The following PRORP variants were observed in gnomAD, a reference collection of about 807,000 sequenced individuals.
PRORP encodes the protein mitochondrial ribonuclease P catalytic subunit.
Under a neutral mutation model 59.4 loss-of-function variants are expected in PRORP, and 51 were observed. The observed-to-expected ratio is 0.86, with a 90% confidence interval of 0.69 to 1.08. The LOEUF (loss-of-function observed/expected upper bound fraction) is 1.08. Ranked by LOEUF, PRORP falls within the 50% of genes least tolerant of loss-of-function variation. The pLI is 0.00. For missense variants in PRORP, 646 were observed against 690.3 expected, an observed-to-expected ratio of 0.94 and a Z score of 0.72; for synonymous variants, 231 against 245.6, an observed-to-expected ratio of 0.94 and a Z score of 0.55.
chr14:35,199,693 G>A (rs1010890244), intron 5 of PRORP, among the ~76,000 whole-genome samples: 1 of 152,192 alleles, frequency 6.6e-6, no homozygotes, highest in Non-Finnish European at 1.5e-5. Context: ...ACAAATTTCT[G>A]TTCTTTATAA....
intron 5 of PRORP, among the ~76,000 whole-genome samples, chr14:35,225,597 T>G (rs1442435677): frequency 6.6e-6 from 1 of 152,002 alleles, no homozygotes. Flanking sequence ...TCCACCCACC[T>G]TGGCCTCCCA....
At position 35,275,768 on chromosome 14, in the gene PRORP, C is replaced by T. The variant is rs1484653215; in HGVS notation, c.*2202C>T. 4 of 146,864 alleles carry T rather than the reference C, an allele frequency of 2.7e-5. No homozygotes were observed. Among genetic ancestry groups the T allele is most frequent in the African/African-American group, 5.0e-5 (2 of 39,650 alleles). The allele number at this position is 146,864 out of a possible 1,614,324, so 9.1% of individuals were successfully genotyped here. On this transcript the variant is annotated 3_prime_UTR_variant, in exon 8 of 8. Coordinates refer to ENST00000534898, the MANE Select transcript of PRORP (RefSeq NM_014672.4). Reference sequence around the variant, plus strand: ...CTTTAGGCCCAGAGTTGGAGACCAACCTGGGCAACATAGCAAGACCCTGTC... The same window carrying T: ...CTTTAGGCCCAGAGTTGGAGACCAATCTGGGCAACATAGCAAGACCCTGTC...
intron 4 of PRORP, among the ~76,000 whole-genome samples, chr14:35,171,007 A>G (rs2048302117): frequency 6.6e-6 from 1 of 151,842 alleles, no homozygotes; most frequent in Non-Finnish European, 1.5e-5. Flanking sequence ...GTGCCACCAC[A>G]CCCAGCTAAT....
chr14:35,193,686 A>G (rs555691659), intron 5 of PRORP, among the ~76,000 whole-genome samples: 35 of 148,502 alleles, frequency 2.4e-4, no homozygotes, highest in Non-Finnish European at 5.0e-4. Context: ...CTCGATCCCC[A>G]TGCTTGAAAT....
chr14:35,235,291 G>C, intron 5 of PRORP: 3 of 690,326 alleles, frequency 4.3e-6, no homozygotes, highest in Non-Finnish European at 8.0e-6. Flanking sequence ...CATCATATCT[G>C]TCATTGTAAT....
chr14:35,242,763 TGG>T (rs1367844879), intron 5 of PRORP, among the ~76,000 whole-genome samples: 1 of 152,200 alleles, frequency 6.6e-6, no homozygotes, highest in African/African-American at 2.4e-5. Flanking sequence ...GTTCCTGACC[TGG>T]GTAGAGTGCT....
At chr14:35,193,313 C>G (rs567760654) in intron 5 of PRORP, among the ~76,000 whole-genome samples, 1 of 152,310 alleles carries the variant, frequency 6.6e-6, no homozygotes, top group African/African-American at 2.4e-5. Flanking sequence ...GACACCAGCA[C>G]TGAATGCTTT....
chr14:35,275,550 A>G lies in PRORP; in HGVS notation c.*1984A>G, dbSNP rs1374923585. On this transcript the variant is annotated 3_prime_UTR_variant, in exon 8 of 8. Coordinates refer to ENST00000534898, the MANE Select transcript of PRORP (RefSeq NM_014672.4). ...TAGGAAACTGTGCTTTCAGTGAGCT[A>G]AACTTCTTTTTTTAAGTAACTATCA... 3 of 152,242 alleles carry G rather than the reference A, an allele frequency of 2.0e-5. No homozygotes were observed. Among genetic ancestry groups the G allele is most frequent in the Admixed American group, 6.5e-5 (1 of 15,286 alleles). The allele number at this position is 152,242 out of a possible 1,614,324, so 9.4% of individuals were successfully genotyped here.
intron 5 of PRORP, among the ~76,000 whole-genome samples, chr14:35,217,375 C>T (rs181166861): frequency 1.8e-4 from 28 of 151,954 alleles, no homozygotes; most frequent in Admixed American, 8.5e-4. Flanking sequence ...GTGGCAGGCA[C>T]CTGTAATCCC....
intron 5 of PRORP, among the ~76,000 whole-genome samples, chr14:35,232,409 A>G (rs2050105237): frequency 6.6e-6 from 1 of 151,910 alleles, no homozygotes; most frequent in Non-Finnish European, 1.5e-5. Context: ...ATGGGGTCTC[A>G]CTGTGTTGCC....
rs2046951036 is a variant in PRORP at position 35,122,554 on chromosome 14, T to G, written c.-376T>G. On this transcript the variant is annotated 5_prime_UTR_variant, in exon 1 of 8. Coordinates refer to ENST00000534898, the MANE Select transcript of PRORP (RefSeq NM_014672.4). ...GCGCGGTGCATCGTGGGCACTGTAG[T>G]TTCCGCCGCGTTTATGGCCGCGTTA... 1 of 154,208 alleles carries G rather than the reference T, an allele frequency of 6.5e-6. No homozygotes were observed. Among genetic ancestry groups the G allele is most frequent in the South Asian group, 1.9e-4 (1 of 5,338 alleles). 9.6% of individuals were successfully genotyped at this position (154,208 alleles called of 1,614,324 possible). A position where few individuals can be genotyped will look rare whatever the true frequency, so the allele number is the denominator to read the frequency against.
intron 5 of PRORP, chr14:35,222,310 A>G (rs2049807861): frequency 6.6e-6 from 1 of 152,250 alleles, no homozygotes; most frequent in Non-Finnish European, 1.5e-5. Context: ...GTCTTTAGAA[A>G]GAATGGCCTC....
rs1460412876 is a variant in PRORP, at chr14:35,238,064, C to G, written c.1276-28663C>G. ...AACACATCTTTTTTTTTTTTCTCTG[C>G]GTTTTATGTGAAGGGCCAGAAACCA... On this transcript the variant is annotated intron_variant, in intron 5 of 7. Coordinates refer to ENST00000534898, the MANE Select transcript of PRORP (RefSeq NM_014672.4). Among the ~76,000 whole-genome samples, 6 of 150,222 alleles carry G rather than the reference C, an allele frequency of 4.0e-5. No homozygotes were observed. The South Asian group carries it at 1.0e-3, about 26-fold the overall frequency.
At chr14:35,210,658 T>C (rs1166590933) in intron 5 of PRORP, among the ~76,000 whole-genome samples, 1 of 150,188 alleles carries the variant, frequency 6.7e-6, no homozygotes, top group African/African-American at 2.5e-5. Flanking sequence ...CAAATTTAGA[T>C]ACTAGATAAA....
intron 5 of PRORP, among the ~76,000 whole-genome samples, chr14:35,228,889 G>A (rs566417175): frequency 6.6e-6 from 1 of 152,304 alleles, no homozygotes; most frequent in African/African-American, 2.4e-5. Context: ...TTTCCATGGT[G>A]ACTGAACCAA....
chr14:35,127,747 G>A, intron 4 of PRORP, 136 bp downstream of exon 4: 1 of 794,466 alleles, frequency 1.3e-6, no homozygotes, highest in South Asian at 1.7e-5. Context: ...CAACTCTGCT[G>A]TTGTAGTTAA....
chr14:35,203,775 A>G (rs1229393075), intron 5 of PRORP, among the ~76,000 whole-genome samples: 1 of 152,072 alleles, frequency 6.6e-6, no homozygotes, highest in Non-Finnish European at 1.5e-5. Context: ...GAGGCAGGTG[A>G]ATGGCATGAA....
chr14:35,216,617 G>A (rs979790376), intron 5 of PRORP, among the ~76,000 whole-genome samples: 10 of 152,138 alleles, frequency 6.6e-5, no homozygotes, highest in Non-Finnish European at 1.2e-4. Context: ...TTTTGTGCCT[G>A]TTTTTGTGTT....
intron 5 of PRORP, among the ~76,000 whole-genome samples, chr14:35,249,439 A>T (rs540523785): frequency 6.6e-6 from 1 of 152,242 alleles, no homozygotes; most frequent in South Asian, 2.1e-4. Flanking sequence ...AAAATAAAAA[A>T]TTAGCCAAGT....
Sources: gnomAD v4.1 joint callset for allele counts (sites outside exome capture counted in the v4.1 genomes callset) on GRCh38, gnomAD v4.1.1 for gene constraint, MANE v1.5 for transcripts, NCBI Gene and HGNC (gene_info 2026-07-23, HGNC 2026-07-21) for gene names.